Variants in TAF2 observed in about 807,000 individuals in gnomAD.
TAF2 encodes the protein transcription initiation factor TFIID subunit 2.
In TAF2, 61 loss-of-function variants were observed where a neutral mutation model predicts 138.5. The ratio of observed to expected loss-of-function variants is 0.44; its 90% CI spans 0.36 to 0.54. TAF2 has a LOEUF of 0.54. TAF2 is among the 20% of genes least tolerant of loss of function. The probability of loss-of-function intolerance (pLI) is 0.00; values close to 1 mark genes in which losing one functional copy is unlikely to be tolerated. For missense variants in TAF2, 1,090 were observed against 1,427.9 expected, an observed-to-expected ratio of 0.76 and a Z score of 3.81; for synonymous variants, 475 against 469.9, an observed-to-expected ratio of 1.01 and a Z score of -0.14.
intron 2 of TAF2, among the ~76,000 whole-genome samples, chr8:119,830,598 TA>T (rs1318679386): frequency 6.6e-6 from 1 of 152,180 alleles, no homozygotes; most frequent in Non-Finnish European, 1.5e-5. Context: ...AGACTAAATT[TA>T]ATAAATCTTT....
intron 17 of TAF2, among the ~76,000 whole-genome samples, chr8:119,780,662 G>A (rs938742815): frequency 2.6e-5 from 4 of 152,132 alleles, no homozygotes; most frequent in African/African-American, 7.2e-5. Flanking sequence ...GAGGCCGGGC[G>A]CGGTGGCTCA....
intron 7 of TAF2, among the ~76,000 whole-genome samples, 174 bp downstream of exon 7, chr8:119,797,488 T>C (rs1048849439): frequency 2.0e-5 from 3 of 152,138 alleles, no homozygotes; most frequent in Admixed American, 2.0e-4. Flanking sequence ...AAAAACTTTG[T>C]CTTCATGTTT....
At chr8:119,815,166 C>T (rs1163148818) in intron 3 of TAF2, among the ~76,000 whole-genome samples, 2 of 151,792 alleles carry the variant, frequency 1.3e-5, no homozygotes, top group Non-Finnish European at 2.9e-5. Flanking sequence ...CCTGTAATCC[C>T]AGCTACTCGG....
At chr8:119,747,269 C>T (rs1820043859) in intron 22 of TAF2, among the ~76,000 whole-genome samples, 1 of 152,200 alleles carries the variant, frequency 6.6e-6, no homozygotes, top group African/African-American at 2.4e-5. Flanking sequence ...AACACATTTT[C>T]TGATCTCTAG....
Position 119,819,488 on chromosome 8 carries a change from T to C in TAF2, c.157A>G (p.Ile53Val), listed in dbSNP as rs112002462. 1.5e-3 allele frequency: 2,464 copies of C among 1,607,978 alleles called. 4 individuals are homozygous for C. The highest frequency in any genetic ancestry group is 1.8e-3 in the Non-Finnish European group (2,173 of 1,178,920). The change falls in exon 3 of 26, where the codon ATA becomes GTA. Residue 53 changes from isoleucine (I) to valine (V), a missense_variant. Coordinates refer to ENST00000378164, the MANE Select transcript of TAF2 (RefSeq NM_003184.4). ...KSVVGFVELTIFPTVANLNRI... is the reference protein window; with the variant it reads ...KSVVGFVELTVFPTVANLNRI... ...TTCAAGTTTGCAACTGTGGGAAATA[T>C]AGTCAGTTCCACAAATCCCTGTAAA...
At chr8:119,782,231 G>T (rs1437938150) in intron 16 of TAF2, among the ~76,000 whole-genome samples, 1 of 152,038 alleles carries the variant, frequency 6.6e-6, no homozygotes, top group Non-Finnish European at 1.5e-5. Flanking sequence ...TACTATTTAA[G>T]GCTGTAAGCA....
intron 9 of TAF2, 82 bp downstream of exon 9, chr8:119,795,450 C>G: frequency 8.3e-7 from 1 of 1,200,242 alleles, no homozygotes; most frequent in Non-Finnish European, 1.2e-6. Flanking sequence ...GATTTTCAAG[C>G]AGTATTTTAA....
chr8:119,815,841 T>C (rs1182213189), intron 3 of TAF2, among the ~76,000 whole-genome samples: 2 of 152,226 alleles, frequency 1.3e-5, no homozygotes, highest in Non-Finnish European at 2.9e-5. Context: ...TGAATTATTT[T>C]ATTGACAAAT....
At chr8:119,762,221 T>C (rs1205988223) in intron 19 of TAF2, among the ~76,000 whole-genome samples, 194 bp downstream of exon 19, 1 of 152,224 alleles carries the variant, frequency 6.6e-6, no homozygotes, top group Non-Finnish European at 1.5e-5. Context: ...ATTAAAAATT[T>C]ATGTAGTTAA....
intron 3 of TAF2, among the ~76,000 whole-genome samples, chr8:119,812,765 A>C (rs927188133): frequency 6.7e-5 from 10 of 149,312 alleles, no homozygotes; most frequent in Admixed American, 3.4e-4. Flanking sequence ...ATATGTGTGT[A>C]TATATGGTGT....
At chr8:119,823,714 C>T (rs1202260112) in intron 2 of TAF2, among the ~76,000 whole-genome samples, 1 of 152,126 alleles carries the variant, frequency 6.6e-6, no homozygotes, top group Non-Finnish European at 1.5e-5. Flanking sequence ...AATGTGGAAG[C>T]GACTTTGGAA....
At chr8:119,766,343 C>T (rs180977746) in intron 18 of TAF2, among the ~76,000 whole-genome samples, 126 of 152,288 alleles carry the variant, frequency 8.3e-4, no homozygotes, top group African/African-American at 2.8e-3. Context: ...GCTAAACATG[C>T]TGCTGTGTAC....
rs746960169 is a variant in TAF2, at chr8:119,778,166, A to G, written c.2254-37T>C. 2.3e-6 allele frequency: 3 copies of G among 1,312,580 alleles called. No homozygotes were observed. In the Admixed American group the frequency reaches 5.6e-5, roughly 24 times the overall value. 81.3% of individuals were successfully genotyped at this position (1,312,580 alleles called of 1,614,324 possible). On this transcript the variant is annotated intron_variant, in intron 17 of 25. Transcript: ENST00000378164. ...AAAAAAGAACTTTTAAAAGCACAGAACCTAACTTTTTGTTACTACAATTCA... is the reference window on the plus strand; with the variant it reads ...AAAAAAGAACTTTTAAAAGCACAGAGCCTAACTTTTTGTTACTACAATTCA...
chr8:119,736,038 T>C (rs1206448080), intron 25 of TAF2, among the ~76,000 whole-genome samples: 2 of 152,192 alleles, frequency 1.3e-5, no homozygotes, highest in East Asian at 3.8e-4. Flanking sequence ...TTTTATCCTT[T>C]AATCCTAAAC....
At chr8:119,755,280 G>A (rs142583209) in intron 22 of TAF2, among the ~76,000 whole-genome samples, 153 of 152,280 alleles carry the variant, frequency 1.0e-3, no homozygotes, top group African/African-American at 3.4e-3. Flanking sequence ...GCCAAGGCGG[G>A]TGGATCAGGA....
At chr8:119,796,746 A>G (rs1341079839) in intron 8 of TAF2, among the ~76,000 whole-genome samples, 1 of 152,112 alleles carries the variant, frequency 6.6e-6, no homozygotes, top group Non-Finnish European at 1.5e-5. Context: ...TTCTTTAAAT[A>G]CATATAGAAC....
chr8:119,796,909 A>C, intron 8 of TAF2, 81 bp downstream of exon 8: 1 of 989,274 alleles, frequency 1.0e-6, no homozygotes, highest in South Asian at 1.3e-5. Flanking sequence ...AATTAGGGCA[A>C]AGGTCAGCTT....
At chr8:119,809,142 C>G (rs865943774) in intron 3 of TAF2, among the ~76,000 whole-genome samples, 2 of 152,232 alleles carry the variant, frequency 1.3e-5, no homozygotes, top group Non-Finnish European at 2.9e-5. Flanking sequence ...TAGCAACCTT[C>G]ATCAAAAACC....
intron 10 of TAF2, among the ~76,000 whole-genome samples, chr8:119,793,126 T>C (rs1166060806): frequency 6.6e-6 from 1 of 152,134 alleles, no homozygotes; most frequent in African/African-American, 2.4e-5. Flanking sequence ...ATTTTTAATG[T>C]GGCACATTAA....
Sources: allele counts gnomAD v4.1 joint callset (sites outside exome capture counted in the v4.1 genomes callset), GRCh38; gene constraint gnomAD v4.1.1; transcripts MANE v1.5; gene names NCBI Gene and HGNC (gene_info 2026-07-23, HGNC 2026-07-21).